The following ERMP1 variants were observed in gnomAD, a reference collection of about 807,000 sequenced individuals.
ERMP1 encodes the protein endoplasmic reticulum metallopeptidase 1.
In ERMP1, 86 loss-of-function variants were observed where a neutral mutation model predicts 92.0. The observed-to-expected ratio is 0.93, with a 90% CI of 0.79 to 1.12. ERMP1 has a LOEUF of 1.12. Ranked by LOEUF, ERMP1 falls within the 50% of genes most tolerant of loss-of-function variation. The pLI is 0.00. For missense variants in ERMP1, 1,342 were observed against 1,116.3 expected (o/e 1.20, Z -2.88); for synonymous variants, 530 against 412.8 (o/e 1.28, Z -3.44).
chr9:5,805,328 C>T, intron 9 of ERMP1, 111 bp from the exon 10 acceptor site: 1 of 819,256 alleles, frequency 1.2e-6, no homozygotes. Context: ...TTAGATGTGA[C>T]TCTTGCCCTT....
rs1376125073 is a variant in ERMP1 at position 5,785,636 on chromosome 9, A to G, written c.*1508T>C. The G allele has an allele frequency of 6.5e-6, 1 of 152,774 alleles. No individual in the cohort carries two copies. The highest frequency in any genetic ancestry group is 1.5e-5 in the Non-Finnish European group (1 of 68,046). The allele number at this position is 152,774 out of a possible 1,614,324, so 9.5% of individuals were successfully genotyped here. A position where few individuals can be genotyped will look rare whatever the true frequency, so the allele number is the denominator to read the frequency against. The stretch of plus-strand genomic sequence containing the variant: ...GCATGATTTAAAAAGCACATCATAC[A>G]CATGAGACAAGCAGCTTCAAGGACG... On this transcript the variant is annotated 3_prime_UTR_variant, in exon 15 of 15. Transcript: ENST00000339450.
intron 6 of ERMP1, among the ~76,000 whole-genome samples, chr9:5,842,847 G>C (rs778453788): frequency 3.9e-5 from 6 of 152,236 alleles, no homozygotes; most frequent in Non-Finnish European, 7.3e-5. Context: ...ATCTGTAGCA[G>C]AGATGCTGAT....
chr9:5,847,350 C>T (rs932834128), intron 6 of ERMP1, among the ~76,000 whole-genome samples: 7 of 152,000 alleles, frequency 4.6e-5, no homozygotes, highest in Non-Finnish European at 1.0e-4. Flanking sequence ...ACGATCCTCC[C>T]GCCTCAGCCC....
At chr9:5,792,753 C>G (rs1828251251) in intron 13 of ERMP1, among the ~76,000 whole-genome samples, 3 of 152,134 alleles carry the variant, frequency 2.0e-5, no homozygotes, top group Non-Finnish European at 2.9e-5. Flanking sequence ...TCTGCACTAC[C>G]ATGAAGCAGT....
intron 2 of ERMP1, among the ~76,000 whole-genome samples, chr9:5,828,074 T>A (rs193078935): frequency 1.3e-5 from 2 of 152,284 alleles, no homozygotes; most frequent in East Asian, 3.9e-4. Context: ...GAGGATGAGG[T>A]AGAATAATCA....
chr9:5,816,921 C>G (rs1471617712), intron 4 of ERMP1, among the ~76,000 whole-genome samples: 2 of 142,466 alleles, frequency 1.4e-5, no homozygotes, highest in Non-Finnish European at 3.0e-5. Flanking sequence ...TTTTTGGTGA[C>G]AGAGTCTCGC....
At chr9:5,864,895 T>C (rs746823680) in intron 5 of ERMP1, among the ~76,000 whole-genome samples, 1 of 152,184 alleles carries the variant, frequency 6.6e-6, no homozygotes, top group Non-Finnish European at 1.5e-5. Flanking sequence ...ACACCTTTTC[T>C]GCAAGATAAC....
At position 5,801,319 on chromosome 9, in the gene ERMP1, T is replaced by C. The variant is rs1378609052; in HGVS notation, c.1924A>G (p.Ile642Val). Residue 642 changes from isoleucine (I) to valine (V), a missense_variant, in exon 11 of 15, where the codon ATC (isoleucine) becomes GTC (valine). By Grantham distance (29) the Ile-to-Val change is conservative. Transcript: ENST00000339450. Reference protein sequence around the residue: ...MILSSYFINFIYLAKSTKKTM... With the variant: ...MILSSYFINFVYLAKSTKKTM... ...TTTTTTGTGCTCTTGGCAAGGTAGA[T>C]GAAGTTAATCTGAAACACAAACCAC... The C allele has an allele frequency of 8.1e-6, 13 of 1,611,002 alleles. No homozygotes were observed. The highest frequency in any genetic ancestry group is 9.3e-6 in the Non-Finnish European group (11 of 1,178,884).
chr9:5,844,315 C>T (rs562993248), intron 6 of ERMP1, among the ~76,000 whole-genome samples: 19 of 152,182 alleles, frequency 1.2e-4, no homozygotes, highest in African/African-American at 4.1e-4. Context: ...GCTCTGTCAC[C>T]CCAGACTATA....
chr9:5,810,571 G>A (rs1036381018), intron 7 of ERMP1, among the ~76,000 whole-genome samples: 1 of 152,156 alleles, frequency 6.6e-6, no homozygotes, highest in African/African-American at 2.4e-5. Flanking sequence ...AGCAAGAATG[G>A]AAGGCAAAGT....
intron 10 of ERMP1, 87 bp downstream of exon 10, chr9:5,804,940 C>A (rs769182108): frequency 2.0e-6 from 2 of 995,688 alleles, no homozygotes; most frequent in East Asian, 2.6e-5. Flanking sequence ...ATAAAGTACA[C>A]GTAACACTAT....
At chr9:5,837,512 C>T (rs578138465), upstream of ERMP1, among the ~76,000 whole-genome samples, 1 of 152,250 alleles carries the variant, frequency 6.6e-6, no homozygotes, top group Admixed American at 6.5e-5. Context: ...GGAAAAATCA[C>T]ATATTGGCTA....
At chr9:5,787,703 A>T (rs1446882531) in intron 13 of ERMP1, 110 bp from the exon 14 acceptor site, 2 of 1,066,256 alleles carry the variant, frequency 1.9e-6, no homozygotes, top group Non-Finnish European at 2.7e-6. Flanking sequence ...GACTTTAAAT[A>T]TACTTACTAT....
rs776136790 is a variant in ERMP1, at chr9:5,840,712, G to A, written n.3200-7400C>T. On this transcript the variant is annotated intron_variant and non_coding_transcript_variant, in intron 6 of 6. Coordinates refer to the ERMP1 transcript ENST00000690753. The stretch of plus-strand genomic sequence containing the variant: ...CGAATGACTTAATTTTGTTATGCCC[G>A]TTTCTTCATCTGAGAAGTGGGGTTA... Among the ~76,000 whole-genome samples the A allele has an allele frequency of 2.6e-5, 4 of 152,344 alleles. No individual in the cohort carries two copies. The South Asian group carries it at 6.2e-4, about 24-fold the overall frequency.
At chr9:5,794,535 A>G (rs1563747909) in intron 13 of ERMP1, among the ~76,000 whole-genome samples, 1 of 152,104 alleles carries the variant, frequency 6.6e-6, no homozygotes. Flanking sequence ...AAAGATGTAA[A>G]TTACTAATAT....
In ERMP1 at chr9:5,832,742, CGAGCTGCTGCAGCGA is replaced by C. The variant is rs1036107758; in HGVS notation, c.271_285del (p.Ser91_Leu95del). 6.7e-6 allele frequency: 10 copies of C among 1,496,714 alleles called. No homozygotes were observed. The highest frequency in any genetic ancestry group is 8.8e-6 in the Non-Finnish European group (10 of 1,131,858). The allele number at this position is 1,496,714 out of a possible 1,614,324, so 92.7% of individuals were successfully genotyped here. On this transcript the variant is annotated inframe_deletion, in exon 1 of 15. Coordinates refer to ENST00000339450, the MANE Select transcript of ERMP1 (RefSeq NM_024896.3). ...CGGTGTCCAGCGGCCCCGCGTAGCA[CGAGCTGCTGCAGCGA>C]GAGCTGCACCAGCGTCCGCAGCGCG...
intron 4 of ERMP1, among the ~76,000 whole-genome samples, chr9:5,816,221 AT>A (rs966279383): frequency 8.7e-4 from 132 of 151,856 alleles, no homozygotes; most frequent in African/African-American, 2.9e-3. Context: ...AGGAACCCAG[AT>A]TTTTTTTTAA....
At chr9:5,796,663 C>T (rs1252440980) in intron 13 of ERMP1, among the ~76,000 whole-genome samples, 1 of 151,958 alleles carries the variant, frequency 6.6e-6, no homozygotes, top group Non-Finnish European at 1.5e-5. Flanking sequence ...CTATATGATA[C>T]CTGGAAAAGG....
At chr9:5,851,609 A>G (rs1211375075) in intron 6 of ERMP1, among the ~76,000 whole-genome samples, 2 of 152,138 alleles carry the variant, frequency 1.3e-5, no homozygotes, top group African/African-American at 2.4e-5. Context: ...CCATTTCACA[A>G]GGATCTTAAA....
Sources: allele counts gnomAD v4.1 joint callset (sites outside exome capture counted in the v4.1 genomes callset), GRCh38; gene constraint gnomAD v4.1.1; transcripts MANE v1.5; gene names NCBI Gene and HGNC (gene_info 2026-07-23, HGNC 2026-07-21).